Variants in CEBPZOS observed in about 807,000 individuals in gnomAD.
The protein encoded by CEBPZOS is CEBPZ opposite strand.
Under a neutral mutation model 4.8 loss-of-function variants are expected in CEBPZOS, and 10 were observed. The observed-to-expected ratio is 2.07, with a 90% CI of 1.28 to 3.52. The LOEUF (loss-of-function observed/expected upper bound fraction) is 3.52, where lower values mean the gene tolerates loss of function less well. Ranked by LOEUF, CEBPZOS falls within the 30% of genes most tolerant of loss-of-function variation. The probability of loss-of-function intolerance (pLI) is 0.00; values close to 1 mark genes in which losing one functional copy is unlikely to be tolerated. For missense variants in CEBPZOS, 98 were observed against 43.6 expected (o/e 2.25, Z -3.51); for synonymous variants, 25 against 14.2 (o/e 1.77, Z -1.72).
At position 37,201,981 on chromosome 2, in the gene CEBPZOS, C is replaced by T. The variant is rs1372693341; in HGVS notation, c.*121C>T. The T allele has an allele frequency of 7.2e-7, 1 of 1,395,028 alleles. No homozygotes were observed. The highest frequency in any genetic ancestry group is 1.4e-5 in the South Asian group (1 of 73,408). The allele number at this position is 1,395,028 out of a possible 1,614,324, so 86.4% of individuals were successfully genotyped here. Reference sequence around the variant, plus strand: ...GGTCCCACAGAACATGCTGCTGAGTCACAGGAACTTCTAGCCTGCCTTGGC... The same window carrying T: ...GGTCCCACAGAACATGCTGCTGAGTTACAGGAACTTCTAGCCTGCCTTGGC... On this transcript the variant is annotated 3_prime_UTR_variant, in exon 5 of 5. Transcript: ENST00000402297.
intron 1 of CEBPZOS, among the ~76,000 whole-genome samples, chr2:37,198,283 C>T (rs1016340154): frequency 6.6e-5 from 10 of 152,196 alleles, no homozygotes; most frequent in African/African-American, 2.4e-4. Flanking sequence ...TCCCACCACT[C>T]AACTGCCTCT....
At chr2:37,215,923 A>G (rs1246372031), downstream of CEBPZOS, among the ~76,000 whole-genome samples, 1 of 149,576 alleles carries the variant, frequency 6.7e-6, no homozygotes, top group Non-Finnish European at 1.5e-5. Flanking sequence ...TTTATTTTGG[A>G]TATGTTTCAA....
chr2:37,212,101 T>G, intron 4 of CEBPZOS: 1 of 1,401,256 alleles, frequency 7.1e-7, no homozygotes, highest in East Asian at 2.3e-5. Context: ...AGTGTTTTGC[T>G]GACTACTAGG....
chr2:37,200,485 A>G (rs955551662), intron 2 of CEBPZOS, among the ~76,000 whole-genome samples: 9 of 152,220 alleles, frequency 5.9e-5, no homozygotes, highest in African/African-American at 2.2e-4. Flanking sequence ...AAGGAAGGGT[A>G]TTAAAAAAAC....
At chr2:37,209,467 T>C (rs1677648360), downstream of CEBPZOS, 1 of 152,106 alleles carries the variant, frequency 6.6e-6, no homozygotes. Context: ...TGGAACAGAA[T>C]AGAGAACCCA....
downstream of CEBPZOS, among the ~76,000 whole-genome samples, chr2:37,205,426 C>G (rs2148337918): frequency 6.6e-6 from 1 of 152,274 alleles, no homozygotes; most frequent in South Asian, 2.1e-4. Context: ...CTACTGAGCA[C>G]CTTGTGACCC....
intron 4 of CEBPZOS, chr2:37,213,358 G>GT (rs1558471680): frequency 6.5e-6 from 1 of 152,966 alleles, no homozygotes; most frequent in Non-Finnish European, 1.5e-5. Context: ...CACAAATCAT[G>GT]TATTTTTCTG....
intron 4 of CEBPZOS, chr2:37,212,347 A>C: frequency 6.2e-7 from 1 of 1,613,560 alleles, no homozygotes; most frequent in Non-Finnish European, 8.5e-7. Context: ...AGCAAAATCC[A>C]TATCATCCTT....
intron 1 of CEBPZOS, chr2:37,198,485 C>G (rs1329825230): frequency 6.6e-6 from 1 of 152,098 alleles, no homozygotes; most frequent in South Asian, 2.1e-4. Flanking sequence ...TGATTACACC[C>G]ACCCTCAGGC....
Position 37,203,285 on chromosome 2 carries a change from A to G in CEBPZOS, c.*1425A>G. The G allele has an allele frequency of 8.5e-6, 2 of 234,944 alleles. No homozygotes were observed. The highest frequency in any genetic ancestry group is 1.6e-5 in the Non-Finnish European group (2 of 122,964). The allele number at this position is 234,944 out of a possible 1,614,324, so 14.6% of individuals were successfully genotyped here. ...TGATCGAAGTTTTACCCATAAGGGA[A>G]ATAACATAGTATCAAGCAATAGTAA... On this transcript the variant is annotated 3_prime_UTR_variant, in exon 5 of 5. Transcript: ENST00000402297.
chr2:37,209,785 CTTAA>C (rs1402049718), intron 4 of CEBPZOS: 1 of 152,044 alleles, frequency 6.6e-6, no homozygotes, highest in East Asian at 1.9e-4. Flanking sequence ...ATAGATGGGA[CTTAA>C]TTAAGCTAAA....
At position 37,203,350 on chromosome 2, in the gene CEBPZOS, GAC is replaced by G. The variant is rs977916937; in HGVS notation, c.*1494_*1495del. On this transcript the variant is annotated 3_prime_UTR_variant, in exon 5 of 5. Transcript: ENST00000402297. ...CATGGATGGGTTTTGAAATACTTAA[GAC>G]ACAACATAAAATTTAGTTCAGGGGT... The G allele has an allele frequency of 3.7e-5, 6 of 163,366 alleles. No homozygotes were observed. Among genetic ancestry groups the G allele is most frequent in the African/African-American group, 1.2e-4 (5 of 41,870 alleles). The allele number at this position is 163,366 out of a possible 1,614,324, so 10.1% of individuals were successfully genotyped here.
At chr2:37,197,382 G>A (rs1676996138) in intron 1 of CEBPZOS, 1 of 152,154 alleles carries the variant, frequency 6.6e-6, no homozygotes, top group Non-Finnish European at 1.5e-5. Context: ...GTTATTTGGA[G>A]GCAGCTATGC....
At chr2:37,201,817 A>C in intron 4 of CEBPZOS, 46 bp from the exon 5 acceptor site, 1 of 1,594,012 alleles carries the variant, frequency 6.3e-7, no homozygotes, top group Non-Finnish European at 8.6e-7. Context: ...TTCTTTTTAA[A>C]ATGTTTCTTT....
At chr2:37,209,880 C>G (rs1005882852) in intron 4 of CEBPZOS, 1 of 152,056 alleles carries the variant, frequency 6.6e-6, no homozygotes, top group African/African-American at 2.4e-5. Context: ...GTAAACTATG[C>G]ATCTGAGAAA....
chr2:37,197,767 G>A (rs1305726155), intron 1 of CEBPZOS, among the ~76,000 whole-genome samples: 1 of 152,252 alleles, frequency 6.6e-6, no homozygotes, highest in Non-Finnish European at 1.5e-5. Context: ...TCGGGAGGCT[G>A]AGGCAGGAGA....
chr2:37,212,647 A>T, intron 4 of CEBPZOS: 1 of 501,104 alleles, frequency 2.0e-6, no homozygotes, highest in Non-Finnish European at 3.5e-6. Flanking sequence ...TTATGGAAAG[A>T]GGATAAATAT....
intron 3 of CEBPZOS, chr2:37,201,419 G>A: frequency 3.9e-6 from 2 of 512,974 alleles, no homozygotes. Flanking sequence ...TCTCTGTCAA[G>A]TAGATAAAGA....
chr2:37,212,501 T>A, intron 4 of CEBPZOS: 1 of 902,818 alleles, frequency 1.1e-6, no homozygotes, highest in Non-Finnish European at 1.8e-6. Context: ...TTATGACAAG[T>A]GAACACCAAA....
Sources: allele counts gnomAD v4.1 joint callset (sites outside exome capture counted in the v4.1 genomes callset), GRCh38; gene constraint gnomAD v4.1.1; transcripts MANE v1.5; gene names NCBI Gene and HGNC (gene_info 2026-07-23, HGNC 2026-07-21).